The following SNPH variants were observed in gnomAD, a reference collection of about 807,000 sequenced individuals.
The protein encoded by SNPH is syntaphilin.
Under a neutral mutation model 36.8 loss-of-function variants are expected in SNPH, and 10 were observed. The ratio of observed to expected loss-of-function variants is 0.27; its 90% confidence interval spans 0.17 to 0.46. The LOEUF (loss-of-function observed/expected upper bound fraction) is 0.46. SNPH is among the 20% of genes least tolerant of loss of function. SNPH has a pLI of 1.00. For missense variants in SNPH, 622 were observed against 744.0 expected (o/e 0.84, Z 1.91); for synonymous variants, 281 against 312.2 (o/e 0.90, Z 1.05).
chr20:1,296,946 C>A, intron 4 of SNPH, 199 bp from the exon 5 acceptor site: 1 of 659,812 alleles, frequency 1.5e-6, no homozygotes, highest in Non-Finnish European at 1.9e-6. Flanking sequence ...GGAGGACCAG[C>A]CTTCTTCTGG....
intron 5 of SNPH, among the ~76,000 whole-genome samples, chr20:1,298,804 TTGTGTGTGTGTGTGTGTGTGTGTG>T (rs3038999): frequency 3.5e-5 from 5 of 141,154 alleles, no homozygotes; most frequent in African/African-American, 1.3e-4. Context: ...TTTTTCTAAT[TTGTGTGTGTGTGTGTGTGTGTGTG>T]TGTGTGTGTG....
chr20:1,288,912 G>A lies in SNPH; in HGVS notation c.-492-6039G>A, dbSNP rs139859199. 3.9e-3 allele frequency among the ~76,000 whole-genome samples: 598 copies of A among 152,200 alleles called. 5 individuals are homozygous for A. Among genetic ancestry groups the A allele is most frequent in the African/African-American group, 0.012 (516 of 41,516 alleles). The stretch of plus-strand genomic sequence containing the variant: ...GCTGGGATTACAGGTGTGAGCCACC[G>A]TGTCTGGCCAAGAATTTCTTTTTAA... On this transcript the variant is annotated intron_variant, in intron 2 of 6. Coordinates refer to ENST00000381867, the MANE Select transcript of SNPH (RefSeq NM_001318234.2).
rs186809429 is a variant in SNPH at position 1,287,334 on chromosome 20, G to A, written c.-492-7617G>A. 2.0e-3 allele frequency among the ~76,000 whole-genome samples: 310 copies of A among 152,226 alleles called. 3 individuals are homozygous for A. The highest frequency in any genetic ancestry group is 6.9e-3 in the African/African-American group (287 of 41,538). On this transcript the variant is annotated intron_variant, in intron 2 of 6. Coordinates refer to ENST00000381867, the MANE Select transcript of SNPH (RefSeq NM_001318234.2). ...TTATGAGCTGCCTTAAAATGGTCAG[G>A]ACTTCTCCTGTCATACCCGTAGGCC...
At chr20:1,279,615 C>CTTTTTTTTTTTTTTT (rs1259483361) in intron 2 of SNPH, among the ~76,000 whole-genome samples, 18 of 111,660 alleles carry the variant, frequency 1.6e-4, no homozygotes, top group African/African-American at 5.2e-4. Context: ...GAGACTCCGG[C>CTTTTTTTTTTTTTTT]TTCTTTTTTT....
rs1177488483 is a variant in SNPH at position 1,284,375 on chromosome 20, G to C, written c.-492-10576G>C. 3.3e-5 allele frequency among the ~76,000 whole-genome samples: 5 copies of C among 152,218 alleles called. No individual in the cohort carries two copies. In the South Asian group the frequency reaches 1.0e-3, roughly 32 times the overall value. On this transcript the variant is annotated intron_variant, in intron 2 of 6. Coordinates refer to ENST00000381867, the MANE Select transcript of SNPH (RefSeq NM_001318234.2). The stretch of plus-strand genomic sequence containing the variant: ...TTCAGCAAAGATTTATTGAGGGCCT[G>C]TGGTGGCCTGACACTAGTCTAGGCA...
chr20:1,297,328 G>GC, intron 5 of SNPH, 76 bp downstream of exon 5: 1 of 1,438,702 alleles, frequency 7.0e-7, no homozygotes. Flanking sequence ...AGGTAAGGGA[G>GC]CAGGGTCGTG....
At chr20:1,271,999 T>TAG (rs917284408) in intron 2 of SNPH, among the ~76,000 whole-genome samples, 3 of 152,182 alleles carry the variant, frequency 2.0e-5, no homozygotes, top group African/African-American at 7.2e-5. Flanking sequence ...AGATGACACT[T>TAG]AGGGTCCTCT....
At chr20:1,290,479 A>G (rs577969089) in intron 2 of SNPH, among the ~76,000 whole-genome samples, 68 of 152,294 alleles carry the variant, frequency 4.5e-4, no homozygotes, top group African/African-American at 1.6e-3. Flanking sequence ...ATTTAGCATA[A>G]TGTTGTCAAG....
intron 2 of SNPH, among the ~76,000 whole-genome samples, chr20:1,286,089 TAA>T (rs11475556): frequency 0.13 from 13,388 of 100,304 alleles, 845 homozygotes; most frequent in African/African-American, 0.2. Context: ...GACTCCATCT[TAA>T]AAAAAAAAAA....
At position 1,294,239 on chromosome 20, in the gene SNPH, G is replaced by T. The variant is rs377369125; in HGVS notation, c.-492-712G>T. ...ATTGCTGCTTCAAGTAATGGGCCAA[G>T]GCAGACGAGAGCACTCAGCATGGCC... On this transcript the variant is annotated intron_variant, in intron 2 of 6. Transcript: ENST00000381867. This position sits in a 1 kb window ranked among gnomAD's most constrained non-coding sequence, Gnocchi z 4.4. 5.3e-4 allele frequency among the ~76,000 whole-genome samples: 81 copies of T among 152,336 alleles called. 1 individual carries two copies. In the East Asian group the frequency reaches 0.014, roughly 27 times the overall value.
intron 5 of SNPH, among the ~76,000 whole-genome samples, 191 bp downstream of exon 5, chr20:1,297,443 T>C (rs1192642165): frequency 6.6e-6 from 1 of 152,210 alleles, no homozygotes; most frequent in Non-Finnish European, 1.5e-5. Context: ...GATATGATAA[T>C]ATACAGCTGG....
At position 1,272,180 on chromosome 20, in the gene SNPH, G is replaced by A. The variant is rs146126848; in HGVS notation, c.-493+5420G>A. On this transcript the variant is annotated intron_variant, in intron 2 of 6. Transcript: ENST00000381867. Reference sequence around the variant, plus strand: ...TTTTCCTCATTTTTGCCACAGACTCGTGTTCTCGTGTTTGGCTCTGCAATT... The same window carrying A: ...TTTTCCTCATTTTTGCCACAGACTCATGTTCTCGTGTTTGGCTCTGCAATT... Among the ~76,000 whole-genome samples the A allele has an allele frequency of 3.9e-4, 60 of 152,246 alleles. No homozygotes were observed. The East Asian group carries it at 9.6e-3, about 24-fold the overall frequency.
chr20:1,296,276 C>T lies in SNPH; in HGVS notation c.37C>T (p.Pro13Ser). 1 of 1,562,358 alleles carries T rather than the reference C, an allele frequency of 6.4e-7. No homozygotes were observed. The highest frequency in any genetic ancestry group is 8.7e-7 in the Non-Finnish European group (1 of 1,155,746). ...GSGPSERMTW[P>S]GPALSAGPPT... ...CGGCCCCAGCGAGAGGATGACGTGG[C>T]CTGGCCCGGCCCTTTCTGCGGGCCC... is the stretch of plus-strand genomic sequence containing the variant. Residue 13 changes from proline (P) to serine (S), a missense_variant, in exon 4 of 7, where the codon CCT becomes TCT. Physicochemically the swap from Pro to Ser is moderately conservative, Grantham distance 74. This residue lies in a region of SNPH where 187 missense variants were observed against 209.4 expected (regional missense o/e 0.89). Transcript: ENST00000381867.
chr20:1,283,523 G>A (rs530494103), intron 2 of SNPH, among the ~76,000 whole-genome samples: 71 of 152,360 alleles, frequency 4.7e-4, no homozygotes, highest in African/African-American at 1.7e-3. Flanking sequence ...ATGCAGGAAT[G>A]CAGGCACAGA....
chr20:1,302,844 C>T (rs549849874), intron 6 of SNPH, among the ~76,000 whole-genome samples: 27 of 152,362 alleles, frequency 1.8e-4, no homozygotes, highest in South Asian at 4.1e-4. Context: ...GCTTCATTGT[C>T]GGCAGAGGGA....
chr20:1,297,888 T>G (rs753872880), intron 5 of SNPH, among the ~76,000 whole-genome samples: 17 of 152,224 alleles, frequency 1.1e-4, no homozygotes, highest in Non-Finnish European at 2.4e-4. Flanking sequence ...CATGCACTTC[T>G]CAGGGGAACA....
At chr20:1,298,692 G>C (rs2317645) in intron 5 of SNPH, among the ~76,000 whole-genome samples, 91,651 of 151,876 alleles carry the variant, frequency 0.6, 27,808 homozygotes, top group Non-Finnish European at 0.65. Flanking sequence ...AACAAGGGTT[G>C]CTGCCCCTGG....
At position 1,296,413 on chromosome 20, in the gene SNPH, A is replaced by G; in HGVS notation, c.174A>G (p.Gly58=). 1 of 1,600,606 alleles carries G rather than the reference A, an allele frequency of 6.2e-7. No individual in the cohort carries two copies. Among genetic ancestry groups the G allele is most frequent in the South Asian group, 1.1e-5 (1 of 89,176 alleles). ...SLPGSRRTSA[G]SRRRTSPPVS... is the part of the protein sequence containing the mutation. ...CAGGAAGTAGACGGACCTCTGCTGG[A>G]TCACGCAGGTGAGTCTCCCCCTCGC... The change falls in exon 4 of 7, where the codon GGA becomes GGG. Residue 58 remains glycine (G), a synonymous_variant. Transcript: ENST00000381867.
At chr20:1,279,512 T>A (rs1225895660) in intron 2 of SNPH, among the ~76,000 whole-genome samples, 1 of 152,172 alleles carries the variant, frequency 6.6e-6, no homozygotes, top group Non-Finnish European at 1.5e-5. Context: ...TCTCCCAGTG[T>A]GTAGGGCTTG....
Sources: gnomAD v4.1 joint callset for allele counts (sites outside exome capture counted in the v4.1 genomes callset) on GRCh38, gnomAD v4.1.1 for gene constraint, gnomAD v4.1.1 regional missense constraint, Gnocchi (gnomAD v3.1) non-coding constraint, MANE v1.5 for transcripts, NCBI Gene and HGNC (gene_info 2026-07-23, HGNC 2026-07-21) for gene names.